The following CLSTN2 variants were observed in gnomAD, a reference collection of about 807,000 sequenced individuals.
CLSTN2 encodes calsyntenin 2.
In CLSTN2, 48 loss-of-function variants were observed where a neutral mutation model predicts 101.2. That is an observed-to-expected ratio of 0.47 (90% CI 0.38 to 0.60). The LOEUF is 0.60. Ranked by LOEUF, CLSTN2 falls within the 20% of genes least tolerant of loss-of-function variation. CLSTN2 has a pLI of 0.00. For missense variants in CLSTN2, 1,160 were observed against 1,238.2 expected (o/e 0.94, Z 0.95); for synonymous variants, 481 against 463.6 (o/e 1.04, Z -0.48).
At chr3:139,950,405 G>T (rs888067874) in intron 1 of CLSTN2, among the ~76,000 whole-genome samples, 1 of 152,238 alleles carries the variant, frequency 6.6e-6, no homozygotes, top group East Asian at 1.9e-4. Flanking sequence ...AGGGGTAGAG[G>T]TTTTTCTCCA....
At chr3:140,152,918 C>T (rs1006839977) in intron 1 of CLSTN2, among the ~76,000 whole-genome samples, 1 of 152,210 alleles carries the variant, frequency 6.6e-6, no homozygotes, top group African/African-American at 2.4e-5. Flanking sequence ...AGGACAGGCC[C>T]TGGAGCCAAA....
chr3:140,288,321 A>G (rs1420956488), intron 2 of CLSTN2, among the ~76,000 whole-genome samples: 1 of 152,150 alleles, frequency 6.6e-6, no homozygotes, highest in Admixed American at 6.5e-5. Context: ...TGAAGAGAAT[A>G]AGTGTCCGCT....
At chr3:140,029,124 T>G (rs934624912) in intron 1 of CLSTN2, among the ~76,000 whole-genome samples, 3 of 152,176 alleles carry the variant, frequency 2.0e-5, no homozygotes, top group African/African-American at 7.2e-5. Flanking sequence ...TTCTTAAAAT[T>G]GAGTCTACTT....
intron 1 of CLSTN2, among the ~76,000 whole-genome samples, chr3:140,141,092 A>G (rs1347663566): frequency 1.3e-5 from 2 of 152,228 alleles, no homozygotes; most frequent in Non-Finnish European, 1.5e-5. Context: ...GCCTTCTTAG[A>G]TGAAGTCGGT....
intron 2 of CLSTN2, among the ~76,000 whole-genome samples, chr3:140,263,433 C>T (rs1418914040): frequency 6.6e-6 from 1 of 152,082 alleles, no homozygotes; most frequent in Non-Finnish European, 1.5e-5. Flanking sequence ...CACTGGCTCA[C>T]CCCCATGGGG....
At chr3:140,075,496 C>T (rs973265508) in intron 1 of CLSTN2, among the ~76,000 whole-genome samples, 1 of 151,998 alleles carries the variant, frequency 6.6e-6, no homozygotes, top group Non-Finnish European at 1.5e-5. Flanking sequence ...ATTGATTTTT[C>T]CTTAAGTTCT....
intron 9 of CLSTN2, among the ~76,000 whole-genome samples, chr3:140,544,174 G>A (rs1559900167): frequency 6.6e-6 from 1 of 152,236 alleles, no homozygotes; most frequent in Non-Finnish European, 1.5e-5. Flanking sequence ...AAAATTGCAA[G>A]ATGCCCAGTG....
At chr3:140,033,624 A>G (rs2007599788) in intron 1 of CLSTN2, among the ~76,000 whole-genome samples, 2 of 152,368 alleles carry the variant, frequency 1.3e-5, no homozygotes, top group South Asian at 4.1e-4. Context: ...ACAGGCAGCC[A>G]TTAGTTTAGT....
chr3:140,285,622 G>T (rs1559828923), intron 2 of CLSTN2, among the ~76,000 whole-genome samples: 1 of 152,168 alleles, frequency 6.6e-6, no homozygotes, highest in African/African-American at 2.4e-5. Flanking sequence ...AACACAGATT[G>T]CCAATTGCCC....
At chr3:140,390,775 C>T (rs2088106147) in intron 2 of CLSTN2, among the ~76,000 whole-genome samples, 1 of 152,134 alleles carries the variant, frequency 6.6e-6, no homozygotes, top group African/African-American at 2.4e-5. Context: ...TTTGAGAATC[C>T]AAACATCTGA....
intron 5 of CLSTN2, among the ~76,000 whole-genome samples, chr3:140,440,068 G>C (rs932780693): frequency 2.0e-5 from 3 of 152,228 alleles, no homozygotes; most frequent in Non-Finnish European, 4.4e-5. Flanking sequence ...AATTCTCAGG[G>C]AGAGTGGAGG....
At chr3:140,421,087 A>G (rs764056539) in intron 4 of CLSTN2, 38 bp from the exon 5 acceptor site, 3 of 1,602,338 alleles carry the variant, frequency 1.9e-6, no homozygotes, top group Non-Finnish European at 2.6e-6. Context: ...GTGCAGTTAA[A>G]TTGACCTGAA....
intron 2 of CLSTN2, among the ~76,000 whole-genome samples, chr3:140,203,052 C>T (rs2010737824): frequency 6.6e-6 from 1 of 152,156 alleles, no homozygotes; most frequent in Non-Finnish European, 1.5e-5. Context: ...GGATCTGGCT[C>T]CTGAATGTCT....
chr3:140,240,174 C>CTATATATATA lies in CLSTN2; in HGVS notation c.232+64118_232+64127dup, dbSNP rs1226140178. 2.2e-3 allele frequency among the ~76,000 whole-genome samples: 29 copies of CTATATATATA among 13,328 alleles called. 1 individual carries two copies. Among genetic ancestry groups the CTATATATATA allele is most frequent in the Non-Finnish European group, 2.8e-3 (8 of 2,820 alleles). 8.7% of individuals were successfully genotyped at this position (13,328 alleles called of 152,430 possible). ...TCTGTCTCTCTCTCTCTCTCTCTCT[C>CTATATATATA]TATATATATATATATATATATATAT... On this transcript the variant is annotated intron_variant, in intron 2 of 16. Coordinates refer to ENST00000458420, the MANE Select transcript of CLSTN2 (RefSeq NM_022131.3).
intron 2 of CLSTN2, among the ~76,000 whole-genome samples, chr3:140,376,836 T>G (rs2087923085): frequency 6.6e-6 from 1 of 152,228 alleles, no homozygotes; most frequent in Admixed American, 6.5e-5. Context: ...TGTATTGTTC[T>G]TCTATCAGTT....
At chr3:140,269,305 G>A (rs2086721093) in intron 2 of CLSTN2, among the ~76,000 whole-genome samples, 1 of 152,154 alleles carries the variant, frequency 6.6e-6, no homozygotes, top group Admixed American at 6.6e-5. Context: ...AGCTTTATTG[G>A]AAAACATTAT....
chr3:140,048,715 G>A (rs529594894), intron 1 of CLSTN2, among the ~76,000 whole-genome samples: 7 of 152,084 alleles, frequency 4.6e-5, no homozygotes, highest in Non-Finnish European at 8.8e-5. Context: ...GGAGTGGGGG[G>A]CAGTGGGCCT....
rs1290367367 is a variant in CLSTN2 at position 140,106,001 on chromosome 3, G to A, written c.110-69950G>A. ...GTGGGCCTGGTTTTATCGGCAGAAC[G>A]TGGTAACTTCCCTAGGAAAGATGGG... On this transcript the variant is annotated intron_variant, in intron 1 of 16. Transcript: ENST00000458420. 3.3e-5 allele frequency among the ~76,000 whole-genome samples: 5 copies of A among 152,316 alleles called. No individual in the cohort carries two copies. In the East Asian group the frequency reaches 7.7e-4, roughly 24 times the overall value.
At chr3:140,353,247 A>G (rs2087631428) in intron 2 of CLSTN2, among the ~76,000 whole-genome samples, 1 of 45,638 alleles carries the variant, frequency 2.2e-5, no homozygotes. Flanking sequence ...TTACACATAT[A>G]TATATATATA....
Sources: gnomAD v4.1 joint callset for allele counts (sites outside exome capture counted in the v4.1 genomes callset) on GRCh38, gnomAD v4.1.1 for gene constraint, MANE v1.5 for transcripts, NCBI Gene and HGNC (gene_info 2026-07-23, HGNC 2026-07-21) for gene names.